DNHD1: variants seen among roughly 807,000 people sequenced by gnomAD.
DNHD1 encodes dynein heavy chain domain 1, also known as dynein heavy chain domain-containing protein 1.
Under a neutral mutation model 458.1 loss-of-function variants are expected in DNHD1, and 383 were observed. The observed-to-expected ratio is 0.84, with a 90% CI of 0.77 to 0.91. The LOEUF is 0.91. Among genes scored for constraint, DNHD1 ranks in the 40% least tolerant of loss-of-function variants. The pLI is 0.00. For synonymous variants in DNHD1, 2,203 were observed against 2,376.9 expected (o/e 0.93, Z 2.13); for missense variants, 5,336 against 5,866.1 (o/e 0.91, Z 2.95).
At chr11:6,509,364 C>CA in intron 6 of DNHD1, 92 bp downstream of exon 6, 1 of 1,132,380 alleles carries the variant, frequency 8.8e-7, no homozygotes, top group East Asian at 2.5e-5. Context: ...CTGAAAGATA[C>CA]AAAAAAGCAC....
In DNHD1 at chr11:6,568,663, A is replaced by G; in HGVS notation, c.12662-2A>G. ...TGACTCAGCACTCTCCTTCCTCCCC[A>G]GCTGTGCTGACTCAGCACTCCATGC... On this transcript the variant is annotated splice_acceptor_variant, in intron 38 of 42. Transcript: ENST00000254579. LOFTEE classifies it high-confidence loss of function. 1 of 1,613,894 alleles carries G rather than the reference A, an allele frequency of 6.2e-7. No homozygotes were observed. Among genetic ancestry groups the G allele is most frequent in the Admixed American group, 1.7e-5 (1 of 60,016 alleles).
Position 6,546,570 on chromosome 11 carries a change from C to T in DNHD1, c.5631C>T (p.Leu1877=), listed in dbSNP as rs1215188358. The change falls in exon 21 of 43, where the codon CTC becomes CTT. Residue 1877 remains leucine, a synonymous_variant. Coordinates refer to ENST00000254579, the MANE Select transcript of DNHD1 (RefSeq NM_144666.3). ...CCCTGCCCTGCCGCCTGCCACTGCT[C>T]AAGCAGATACTGGAAGACACAATAC... is the stretch of plus-strand genomic sequence containing the variant. ...SGPLPCRLPL[L]KQILEDTIRT... 1 of 1,551,660 alleles carries T rather than the reference C, an allele frequency of 6.4e-7. No individual in the cohort carries two copies. Among genetic ancestry groups the T allele is most frequent in the East Asian group, 2.4e-5 (1 of 40,924 alleles).
intron 24 of DNHD1, among the ~76,000 whole-genome samples, chr11:6,555,939 TTTG>T (rs777640117): frequency 2.6e-5 from 4 of 152,094 alleles, no homozygotes; most frequent in South Asian, 2.1e-4. Flanking sequence ...ATGTATACAT[TTTG>T]TTGTATGTAA....
chr11:6,538,701 G>A lies in DNHD1; in HGVS notation c.3216G>A (p.Val1072=). ...MSTTLELHSP[V]LQHCMRILGE... Reference sequence around the variant, plus strand: ...CAACCCTGGAGCTGCACAGCCCCGTGCTGCAGCACTGCATGCGCATCCTGG... The same window carrying A: ...CAACCCTGGAGCTGCACAGCCCCGTACTGCAGCACTGCATGCGCATCCTGG... The change falls in exon 16 of 43, where the codon GTG becomes GTA. Residue 1072 remains valine, a synonymous_variant. Coordinates refer to ENST00000254579, the MANE Select transcript of DNHD1 (RefSeq NM_144666.3). The A allele has an allele frequency of 3.9e-6, 6 of 1,550,126 alleles. No homozygotes were observed. Among genetic ancestry groups the A allele is most frequent in the Non-Finnish European group, 5.2e-6 (6 of 1,146,002 alleles).
In DNHD1 at chr11:6,571,052, C is replaced by A; in HGVS notation, c.13540C>A (p.Pro4514Thr). 6.3e-7 allele frequency: 1 copy of A among 1,577,294 alleles called. No individual in the cohort carries two copies. Among genetic ancestry groups the A allele is most frequent in the Non-Finnish European group, 8.6e-7 (1 of 1,160,292 alleles). Reference sequence around the variant, plus strand: ...CCTGTTGCAGCAGCTGAAGGGCGCACCCCCGTGCCCCTCCCGCCGCTGTGC... The same window carrying A: ...CCTGTTGCAGCAGCTGAAGGGCGCAACCCCGTGCCCCTCCCGCCGCTGTGC... ...DCLLQQLKGAPPCPSRRCAAV... is the reference protein window; with the variant it reads ...DCLLQQLKGATPCPSRRCAAV... The change falls in exon 42 of 43, where the codon CCC (proline) becomes ACC (threonine). Residue 4514 changes from proline (P) to threonine (T), a missense_variant. Physicochemically the swap from Pro to Thr is conservative, Grantham distance 38 (BLOSUM62 -1). Around this residue, in one of 4 missense-constraint regions of DNHD1, gnomAD observed 698 missense variants for 664.9 expected, o/e 1.05. Transcript: ENST00000254579. This position sits in a 1 kb window ranked among gnomAD's most constrained non-coding sequence, Gnocchi z 5.0.
At chr11:6,506,140 A>C (rs988285006) in intron 4 of DNHD1, among the ~76,000 whole-genome samples, 1 of 152,224 alleles carries the variant, frequency 6.6e-6, no homozygotes, top group African/African-American at 2.4e-5. Flanking sequence ...CTTTTCCCCA[A>C]ACAGAGGGAC....
Position 6,545,116 on chromosome 11 carries a change from GC to G in DNHD1, c.4178del (p.Ala1393ValfsTer2). The G allele has an allele frequency of 3.2e-6, 5 of 1,552,182 alleles. No individual in the cohort carries two copies. Among genetic ancestry groups the G allele is most frequent in the Non-Finnish European group, 4.4e-6 (5 of 1,147,088 alleles). ...ACGACGCTGCTTTCCTCATGTGCAT[GC>G]TGTGAGCTTCAGGTCTTGCCCAACT... ...WVRRCFPHVH[A>X]VSFRSCPTGE... is the part of the protein sequence containing the mutation. On this transcript the variant is annotated frameshift_variant, in exon 21 of 43. Coordinates refer to ENST00000254579, the MANE Select transcript of DNHD1 (RefSeq NM_144666.3). The surrounding 1 kb of genome is among the most constrained non-coding windows in gnomAD (Gnocchi z 4.9).
intron 3 of DNHD1, among the ~76,000 whole-genome samples, chr11:6,501,574 G>A (rs2555155): frequency 0.56 from 84,617 of 151,626 alleles, 24,603 homozygotes; most frequent in African/African-American, 0.7. Context: ...GCTAATGGCT[G>A]AAAACTTCAG....
At position 6,557,184 on chromosome 11, in the gene DNHD1, G is replaced by A. The variant is rs962881704; in HGVS notation, c.7889G>A (p.Arg2630Gln). 9.0e-6 allele frequency: 14 copies of A among 1,551,552 alleles called. No individual in the cohort carries two copies. Among genetic ancestry groups the A allele is most frequent in the Middle Eastern group, 1.7e-4 (1 of 6,014 alleles). Residue 2630 changes from arginine (R) to glutamine (Q), a missense_variant, in exon 25 of 43, where the codon CGA becomes CAA. Transcript: ENST00000254579. ...CACTTGCGCCGGGTGTCAGGCCTGC[G>A]AGGCACTTGTCTGACCGTTATGATG... ...QEHLRRVSGL[R>Q]GTCLTVMMAT... is the part of the protein sequence containing the mutation.
chr11:6,546,707 T>C lies in DNHD1; in HGVS notation c.5768T>C (p.Leu1923Pro), dbSNP rs1853227430. The change falls in exon 21 of 43, where the codon CTC (leucine) becomes CCC (proline). Residue 1923 changes from leucine to proline, a missense_variant. Physicochemically the swap from Leu to Pro is moderately conservative, Grantham distance 98. Coordinates refer to ENST00000254579, the MANE Select transcript of DNHD1 (RefSeq NM_144666.3). Reference sequence around the variant, plus strand: ...CCACTGTTTAGCATTCTCAATGGGCTCCACCTGCACAACCTCCGAGGGCTG... The same window carrying C: ...CCACTGTTTAGCATTCTCAATGGGCCCCACCTGCACAACCTCCGAGGGCTG... ...RSPLFSILNG[L>P]HLHNLRGLLC... 15 of 1,551,764 alleles carry C rather than the reference T, an allele frequency of 9.7e-6. No individual in the cohort carries two copies. The highest frequency in any genetic ancestry group is 1.3e-5 in the Non-Finnish European group (15 of 1,146,980).
In DNHD1 at chr11:6,548,222, C is replaced by G. The variant is rs1296930262; in HGVS notation, c.6918C>G (p.Ile2306Met). ...TCCATCTGAGCAGGTTCTGGCCCATCTTTGATACCTTCATAAGGGATTCTA... is the reference window on the plus strand; with the variant it reads ...TCCATCTGAGCAGGTTCTGGCCCATGTTTGATACCTTCATAAGGGATTCTA... Reference protein sequence around the residue: ...GAHLPSRFWPIFDTFIRDSIS... With the variant: ...GAHLPSRFWPMFDTFIRDSIS... The change falls in exon 23 of 43, where the codon ATC becomes ATG. Residue 2306 changes from isoleucine to methionine, a missense_variant. This residue lies in a region of DNHD1 where 3,932 missense variants were observed against 4,365.6 expected (regional missense o/e 0.90). Coordinates refer to ENST00000254579, the MANE Select transcript of DNHD1 (RefSeq NM_144666.3). The surrounding 1 kb of genome is among the most constrained non-coding windows in gnomAD (Gnocchi z 4.4). 5 of 1,551,686 alleles carry G rather than the reference C, an allele frequency of 3.2e-6. No individual in the cohort carries two copies. The highest frequency in any genetic ancestry group is 2.0e-5 in the Admixed American group (1 of 51,006).
chr11:6,519,366 C>A (rs1852554792), intron 7 of DNHD1, among the ~76,000 whole-genome samples: 1 of 152,096 alleles, frequency 6.6e-6, no homozygotes, highest in Admixed American at 6.5e-5. Context: ...CAGGCCTGGC[C>A]TACCACATTA....
chr11:6,498,980 C>A lies in DNHD1; in HGVS notation c.746+19C>A. On this transcript the variant is annotated intron_variant, in intron 3 of 42. Transcript: ENST00000254579. ...AGACCAGGTAAGTGAGGGACTCAGT[C>A]TAGGGCTTGAGCAGAGGAGAAAAAG... 6.4e-7 allele frequency: 1 copy of A among 1,568,206 alleles called. No individual in the cohort carries two copies. Among genetic ancestry groups the A allele is most frequent in the South Asian group, 1.2e-5 (1 of 83,152 alleles).
At position 6,558,482 on chromosome 11, in the gene DNHD1, C is replaced by T. The variant is rs912788581; in HGVS notation, c.9003-3C>T. 1 of 1,551,604 alleles carries T rather than the reference C, an allele frequency of 6.4e-7. No homozygotes were observed. Among genetic ancestry groups the T allele is most frequent in the Non-Finnish European group, 8.7e-7 (1 of 1,146,994 alleles). The stretch of plus-strand genomic sequence containing the variant: ...AGGACATTAGCTGAGCCCTGGCCCA[C>T]AGGTTCCACCAGCAAGTGTGCAGCC... On this transcript the variant is annotated splice_polypyrimidine_tract_variant and splice_region_variant and intron_variant, in intron 25 of 42. Transcript: ENST00000254579.
At position 6,532,300 on chromosome 11, in the gene DNHD1, G is replaced by A. The variant is rs1034935462; in HGVS notation, c.2348-727G>A. ...TAAAATAATGGTGCTTCTTACAACG[G>A]GATCTTAGATTTTATGAGGTATCAT... On this transcript the variant is annotated intron_variant, in intron 12 of 42. Transcript: ENST00000254579. Among the ~76,000 whole-genome samples, 7 of 152,208 alleles carry A rather than the reference G, an allele frequency of 4.6e-5. No individual in the cohort carries two copies. In the South Asian group the frequency reaches 1.5e-3, roughly 32 times the overall value.
intron 14 of DNHD1, among the ~76,000 whole-genome samples, chr11:6,536,503 C>T (rs1281711864): frequency 1.3e-5 from 2 of 152,130 alleles, no homozygotes; most frequent in Non-Finnish European, 2.9e-5. Flanking sequence ...TGTGCATACA[C>T]ATGCCCATGC....
chr11:6,509,053 A>C lies in DNHD1; in HGVS notation c.1094A>C (p.Lys365Thr). The C allele has an allele frequency of 1.2e-6, 2 of 1,614,232 alleles. No homozygotes were observed. Among genetic ancestry groups the C allele is most frequent in the Non-Finnish European group, 1.7e-6 (2 of 1,180,036 alleles). The change falls in exon 5 of 43, where the codon AAG (lysine) becomes ACG (threonine). Residue 365 changes from lysine (K) to threonine (T), a missense_variant. Physicochemically the swap from Lys to Thr is moderately conservative, Grantham distance 78. This residue lies in a region of DNHD1 where 3,932 missense variants were observed against 4,365.6 expected (regional missense o/e 0.90). Coordinates refer to ENST00000254579, the MANE Select transcript of DNHD1 (RefSeq NM_144666.3). The stretch of plus-strand genomic sequence containing the variant: ...CAGCTCCAGTTCATTCCATTCTTTA[A>C]GTATTGCCTCTTACGCAAGTCCTTT... Reference protein sequence around the residue: ...WQQLQFIPFFKYCLLRKSFTC... With the variant: ...WQQLQFIPFFTYCLLRKSFTC...
intron 3 of DNHD1, among the ~76,000 whole-genome samples, chr11:6,499,514 C>T (rs1852094449): frequency 6.6e-6 from 1 of 152,098 alleles, no homozygotes; most frequent in Non-Finnish European, 1.5e-5. Flanking sequence ...TCTTGCCCTG[C>T]CAGTGTGGGC....
In DNHD1 at chr11:6,533,176, A is replaced by G. The variant is rs1564811289; in HGVS notation, c.2497A>G (p.Thr833Ala). The change falls in exon 13 of 43, where the codon ACC becomes GCC. Residue 833 changes from threonine (T) to alanine (A), a missense_variant. By Grantham distance (58) the Thr-to-Ala change is moderately conservative. Around this residue, in one of 4 missense-constraint regions of DNHD1, gnomAD observed 3,932 missense variants for 4,365.6 expected, o/e 0.90. Transcript: ENST00000254579. Reference protein sequence around the residue: ...NSDIHAIAQCTQKLNEANEQY... With the variant: ...NSDIHAIAQCAQKLNEANEQY... Reference sequence around the variant, plus strand: ...AGATATTCATGCCATTGCACAGTGCACCCAGAAGGTGGGCTCTCCCCATCC... The same window carrying G: ...AGATATTCATGCCATTGCACAGTGCGCCCAGAAGGTGGGCTCTCCCCATCC... 5 of 1,551,338 alleles carry G rather than the reference A, an allele frequency of 3.2e-6. No homozygotes were observed. Among genetic ancestry groups the G allele is most frequent in the Non-Finnish European group, 4.4e-6 (5 of 1,146,934 alleles).
Sources: allele counts gnomAD v4.1 joint callset (sites outside exome capture counted in the v4.1 genomes callset), GRCh38; gene constraint gnomAD v4.1.1; regional missense constraint gnomAD v4.1.1; non-coding constraint Gnocchi (gnomAD v3.1); transcripts MANE v1.5; gene names NCBI Gene and HGNC (gene_info 2026-07-23, HGNC 2026-07-21).